ATXN1: variants seen among roughly 807,000 people sequenced by gnomAD.
ATXN1 encodes ataxin-1.
Under a neutral mutation model 56.4 loss-of-function variants are expected in ATXN1, and 8 were observed. The observed-to-expected ratio is 0.14, with a 90% CI of 0.08 to 0.26. The LOEUF is 0.26. Among genes scored for constraint, ATXN1 ranks in the 10% least tolerant of loss-of-function variants. The probability of loss-of-function intolerance (pLI) is 1.00; values close to 1 mark genes in which losing one functional copy is unlikely to be tolerated. For synonymous variants in ATXN1, 514 were observed against 494.6 expected (o/e 1.04, Z -0.52); for missense variants, 987 against 1,106.5 (o/e 0.89, Z 1.53).
intron 6 of ATXN1, among the ~76,000 whole-genome samples, chr6:16,395,876 A>C (rs1758446098): frequency 6.6e-6 from 1 of 152,026 alleles, no homozygotes; most frequent in South Asian, 2.1e-4. Context: ...TTAGCTGGGC[A>C]TAGTGGCACG....
intron 6 of ATXN1, among the ~76,000 whole-genome samples, chr6:16,372,422 G>A (rs1762059139): frequency 6.6e-6 from 1 of 152,166 alleles, no homozygotes; most frequent in Non-Finnish European, 1.5e-5. Context: ...ACTGCAAACC[G>A]AGTGAAAGCC....
intron 6 of ATXN1, among the ~76,000 whole-genome samples, chr6:16,341,327 C>T (rs1205562158): frequency 6.6e-6 from 1 of 152,044 alleles, no homozygotes; most frequent in Non-Finnish European, 1.5e-5. Context: ...CTCTCACCTG[C>T]AGAATAAGAA....
At chr6:16,489,817 CA>C (rs1001644073) in intron 5 of ATXN1, among the ~76,000 whole-genome samples, 1 of 151,622 alleles carries the variant, frequency 6.6e-6, no homozygotes. Flanking sequence ...GACTCCGACT[CA>C]AAAAAAGGAA....
At chr6:16,439,036 A>G (rs942359124) in intron 6 of ATXN1, among the ~76,000 whole-genome samples, 7 of 152,112 alleles carry the variant, frequency 4.6e-5, no homozygotes, top group African/African-American at 1.7e-4. Flanking sequence ...CCCTTTCATT[A>G]CTGAATTTCT....
intron 3 of ATXN1, among the ~76,000 whole-genome samples, chr6:16,605,250 C>T (rs1762982560): frequency 1.3e-5 from 2 of 152,164 alleles, no homozygotes; most frequent in Non-Finnish European, 2.9e-5. Flanking sequence ...TATGTTCAGG[C>T]TCCCTATTTT....
chr6:16,579,109 C>A (rs1385838721), intron 4 of ATXN1, among the ~76,000 whole-genome samples: 1 of 152,130 alleles, frequency 6.6e-6, no homozygotes. Flanking sequence ...AGTGATGATC[C>A]CTCTGTGTCA....
At position 16,659,037 on chromosome 6, in the gene ATXN1, C is replaced by T. The variant is rs1014552971; in HGVS notation, c.-614-1136G>A. Among the ~76,000 whole-genome samples, 7 of 152,032 alleles carry T rather than the reference C, an allele frequency of 4.6e-5. No individual in the cohort carries two copies. In the East Asian group the frequency reaches 5.8e-4, roughly 13 times the overall value. The stretch of plus-strand genomic sequence containing the variant: ...TTTATGGAATAGTCAACCTTTTTTT[C>T]GGGACGTTTGAGGAGTTGTGTCTAT... On this transcript the variant is annotated intron_variant, in intron 2 of 7. Coordinates refer to ENST00000436367, the MANE Select transcript of ATXN1 (RefSeq NM_001128164.2).
chr6:16,521,716 C>T (rs1202238280), intron 5 of ATXN1, among the ~76,000 whole-genome samples: 1 of 152,246 alleles, frequency 6.6e-6, no homozygotes, highest in Admixed American at 6.5e-5. Flanking sequence ...GGACTGCACA[C>T]ACCTGCAGGT....
intron 6 of ATXN1, among the ~76,000 whole-genome samples, chr6:16,428,899 G>A (rs1410081533): frequency 6.6e-6 from 1 of 152,232 alleles, no homozygotes; most frequent in Non-Finnish European, 1.5e-5. Flanking sequence ...GAGGGGATGG[G>A]AGCTGGGCCC....
chr6:16,637,787 G>A (rs1763627035), intron 3 of ATXN1, among the ~76,000 whole-genome samples: 1 of 152,138 alleles, frequency 6.6e-6, no homozygotes, highest in Non-Finnish European at 1.5e-5. Flanking sequence ...GCAAGTTGTT[G>A]GGGGGCGATT....
chr6:16,686,748 A>G (rs1316220072), intron 2 of ATXN1, among the ~76,000 whole-genome samples: 2 of 152,212 alleles, frequency 1.3e-5, no homozygotes, highest in Non-Finnish European at 2.9e-5. Flanking sequence ...ACCTCTCTAC[A>G]CTTTTTAAAA....
intron 2 of ATXN1, among the ~76,000 whole-genome samples, chr6:16,688,617 T>C (rs933208929): frequency 2.0e-5 from 3 of 152,236 alleles, no homozygotes; most frequent in African/African-American, 7.2e-5. Context: ...TAGCCAGCCT[T>C]GCTCAACATA....
intron 4 of ATXN1, among the ~76,000 whole-genome samples, chr6:16,569,994 T>G (rs1490117198): frequency 1.3e-5 from 2 of 152,102 alleles, no homozygotes; most frequent in African/African-American, 4.8e-5. Context: ...ACAGACGCCC[T>G]CTCCAACTGC....
At chr6:16,339,784 G>A (rs957845759) in intron 6 of ATXN1, among the ~76,000 whole-genome samples, 2 of 152,052 alleles carry the variant, frequency 1.3e-5, no homozygotes, top group Non-Finnish European at 2.9e-5. Context: ...GTGTAGTGAA[G>A]AATTTTTTTT....
chr6:16,334,188 A>C (rs179989), intron 6 of ATXN1, among the ~76,000 whole-genome samples: 1 of 152,078 alleles, frequency 6.6e-6, no homozygotes, highest in African/African-American at 2.4e-5. Flanking sequence ...TATGTTGCGA[A>C]TAAGATTCAA....
chr6:16,690,612 C>T (rs1192593858), intron 2 of ATXN1, among the ~76,000 whole-genome samples: 1 of 152,036 alleles, frequency 6.6e-6, no homozygotes. Flanking sequence ...AATATATTTC[C>T]ATTTATTGAG....
intron 1 of ATXN1, 41 bp downstream of exon 1, chr6:16,761,257 G>A (rs1181783792): frequency 1.1e-5 from 5 of 435,184 alleles, no homozygotes; most frequent in Non-Finnish European, 2.3e-5. Flanking sequence ...AATGGGGGAG[G>A]GGGGAAAGAA....
At chr6:16,636,293 G>A (rs373781126) in intron 3 of ATXN1, among the ~76,000 whole-genome samples, 1 of 152,278 alleles carries the variant, frequency 6.6e-6, no homozygotes, top group Admixed American at 6.5e-5. Flanking sequence ...AATTAGCAGT[G>A]CAGCCGGAAC....
chr6:16,727,554 GA>G (rs1759877478), intron 2 of ATXN1, among the ~76,000 whole-genome samples: 2 of 151,994 alleles, frequency 1.3e-5, no homozygotes, highest in African/African-American at 4.8e-5. Flanking sequence ...ATTACTTAAT[GA>G]ATAGACTAAG....
Sources: allele counts gnomAD v4.1 joint callset (sites outside exome capture counted in the v4.1 genomes callset), GRCh38; gene constraint gnomAD v4.1.1; transcripts MANE v1.5; gene names NCBI Gene and HGNC (gene_info 2026-07-23, HGNC 2026-07-21).